Variants in GABRR1 observed in about 807,000 individuals in gnomAD.
The protein encoded by GABRR1 is gamma-aminobutyric acid type A receptor subunit rho1.
Under a neutral mutation model 55.5 loss-of-function variants are expected in GABRR1, and 59 were observed. The ratio of observed to expected loss-of-function variants is 1.06; its 90% CI spans 0.86 to 1.32. The LOEUF (loss-of-function observed/expected upper bound fraction) is 1.32. Among genes scored for constraint, GABRR1 ranks in the 40% most tolerant of loss-of-function variants. GABRR1 has a pLI of 0.00. For missense variants in GABRR1, 602 were observed against 619.1 expected, an observed-to-expected ratio of 0.97 and a Z score of 0.29; for synonymous variants, 213 against 226.0, an observed-to-expected ratio of 0.94 and a Z score of 0.51.
chr6:89,196,649 T>C (rs1772281265), intron 5 of GABRR1, among the ~76,000 whole-genome samples: 1 of 151,938 alleles, frequency 6.6e-6, no homozygotes, highest in Admixed American at 6.6e-5. Flanking sequence ...TAGTGACACA[T>C]GCCTTTGGTC....
intron 4 of GABRR1, 110 bp downstream of exon 4, chr6:89,199,252 C>T (rs1383483074): frequency 2.1e-6 from 2 of 952,200 alleles, no homozygotes; most frequent in Non-Finnish European, 3.3e-6. Context: ...TGGGGATTCC[C>T]ACCGCCCAGG....
upstream of GABRR1, among the ~76,000 whole-genome samples, chr6:89,222,041 T>G (rs966417805): frequency 6.6e-6 from 1 of 152,178 alleles, no homozygotes; most frequent in African/African-American, 2.4e-5. Flanking sequence ...ATGGTCTTTG[T>G]GTACCTGGTT....
At chr6:89,184,885 C>CTTT (rs754802888) in intron 7 of GABRR1, among the ~76,000 whole-genome samples, 9 of 123,714 alleles carry the variant, frequency 7.3e-5, no homozygotes, top group Admixed American at 6.1e-4. Context: ...TCTTTTCTTT[C>CTTT]TTTTTTTTTT....
intron 1 of GABRR1, among the ~76,000 whole-genome samples, chr6:89,213,563 T>C (rs903582585): frequency 1.3e-5 from 2 of 152,240 alleles, no homozygotes; most frequent in South Asian, 2.1e-4. Context: ...TACAGAAGAT[T>C]TGTAATAACA....
At chr6:89,188,519 C>T (rs1436848506) in intron 6 of GABRR1, among the ~76,000 whole-genome samples, 1 of 152,130 alleles carries the variant, frequency 6.6e-6, no homozygotes, top group Non-Finnish European at 1.5e-5. Context: ...TGATGTTGAA[C>T]ATCTTTTCAT....
intron 1 of GABRR1, among the ~76,000 whole-genome samples, chr6:89,212,642 G>A (rs955139154): frequency 2.7e-5 from 4 of 146,964 alleles, no homozygotes; most frequent in African/African-American, 1.0e-4. Context: ...GGAGAGGACC[G>A]GCAGTAAGTT....
At position 89,178,461 on chromosome 6, in the gene GABRR1, T is replaced by A; in HGVS notation, c.*309A>T. 2.6e-6 allele frequency: 1 copy of A among 378,212 alleles called. No individual in the cohort carries two copies. Among genetic ancestry groups the A allele is most frequent in the Middle Eastern group, 8.0e-4 (1 of 1,250 alleles). The allele number at this position is 378,212 out of a possible 1,614,324, so 23.4% of individuals were successfully genotyped here. On this transcript the variant is annotated 3_prime_UTR_variant, in exon 10 of 10. Transcript: ENST00000454853. ...GCATCAAGGGTCTAACGGGTGGAAC[T>A]AAATGTGCCCACAACACTGGTAGTG...
intron 3 of GABRR1, among the ~76,000 whole-genome samples, chr6:89,200,325 T>C (rs532201140): frequency 5.4e-4 from 77 of 141,908 alleles, no homozygotes; most frequent in African/African-American, 1.9e-3. Context: ...CTCAGTTCAC[T>C]GCAACCTCCG....
chr6:89,223,755 A>T (rs1160656083), intron 1 of GABRR1, among the ~76,000 whole-genome samples: 10 of 131,022 alleles, frequency 7.6e-5, no homozygotes, highest in African/African-American at 1.4e-4. Flanking sequence ...GTAAGGTGGT[A>T]TTGCATTGTG....
At chr6:89,224,468 A>G (rs1439395924) in intron 1 of GABRR1, among the ~76,000 whole-genome samples, 1 of 152,088 alleles carries the variant, frequency 6.6e-6, no homozygotes, top group East Asian at 1.9e-4. Context: ...GGCCATTTGT[A>G]TGTCTTCTTT....
Position 89,182,053 on chromosome 6 carries a change from C to T in GABRR1, c.801G>A (p.Trp267Ter). 6.2e-7 allele frequency: 1 copy of T among 1,613,912 alleles called. No homozygotes were observed. Among genetic ancestry groups the T allele is most frequent in the Non-Finnish European group, 8.5e-7 (1 of 1,179,918 alleles). ...TKLAFYSSTGWYNRLYINFTL... is the reference protein window; with the variant it reads ...TKLAFYSSTG ...TGAAATTAATGTAGAGACGGTTGTA[C>T]CAGCCTGGGGGACACAGGAATAAAA... is the stretch of plus-strand genomic sequence containing the variant. The change falls in exon 8 of 10, where the codon TGG (tryptophan) becomes TGA (stop). Residue 267 changes from tryptophan (W) to a stop codon, truncating the protein, a stop_gained. Transcript: ENST00000454853. LOFTEE classifies it high-confidence loss of function.
At chr6:89,186,065 T>C (rs112936281) in intron 6 of GABRR1, among the ~76,000 whole-genome samples, 1,800 of 152,318 alleles carry the variant, frequency 0.012, 27 homozygotes, top group Non-Finnish European at 0.015. Flanking sequence ...CTGCTTCTGG[T>C]GAACTCCAAG....
chr6:89,209,729 G>C (rs541520872), intron 1 of GABRR1, among the ~76,000 whole-genome samples: 17 of 152,156 alleles, frequency 1.1e-4, no homozygotes, highest in African/African-American at 3.9e-4. Context: ...TTACAGTATT[G>C]GAAGGAGTGC....
intron 1 of GABRR1, among the ~76,000 whole-genome samples, chr6:89,231,057 C>A (rs1163353462): frequency 6.6e-6 from 1 of 151,740 alleles, no homozygotes; most frequent in Admixed American, 6.5e-5. Flanking sequence ...TTCTTTGACT[C>A]GGAAAGGGAA....
At chr6:89,201,399 T>C (rs1772467538) in intron 2 of GABRR1, 134 bp from the exon 3 acceptor site, 1 of 619,536 alleles carries the variant, frequency 1.6e-6, no homozygotes, top group African/African-American at 1.8e-5. Context: ...GGACATCCCC[T>C]CTTTCTTTCT....
In GABRR1 at chr6:89,186,520, C is replaced by A. The variant is rs187177542; in HGVS notation, c.656-1070G>T. On this transcript the variant is annotated intron_variant, in intron 6 of 9. Coordinates refer to ENST00000454853, the MANE Select transcript of GABRR1 (RefSeq NM_002042.5). The stretch of plus-strand genomic sequence containing the variant: ...ATGTGGGACTCTTAGCCAGCCCCCA[C>A]AATCCTGCTAGCCACTTCCTTGCAA... Among the ~76,000 whole-genome samples, 231 of 152,384 alleles carry A rather than the reference C, an allele frequency of 1.5e-3. 2 individuals are homozygous for A. The highest frequency in any genetic ancestry group is 5.3e-3 in the African/African-American group (220 of 41,592).
intron 1 of GABRR1, among the ~76,000 whole-genome samples, chr6:89,211,345 C>T (rs1451391814): frequency 6.6e-6 from 1 of 152,090 alleles, no homozygotes; most frequent in African/African-American, 2.4e-5. Context: ...ATCCTTTGAA[C>T]CCTCCAAAGT....
chr6:89,228,863 G>A (rs1773237522), intron 1 of GABRR1, among the ~76,000 whole-genome samples: 1 of 151,910 alleles, frequency 6.6e-6, no homozygotes, highest in South Asian at 2.1e-4. Context: ...ACAGTGGGGT[G>A]TTAAAGTCTC....
intron 1 of GABRR1, among the ~76,000 whole-genome samples, chr6:89,208,601 C>T (rs190890418): frequency 1.7e-3 from 259 of 152,354 alleles, no homozygotes; most frequent in Non-Finnish European, 2.8e-3. Context: ...AGAGAAAAGA[C>T]TAAGGTTTCT....
Sources: gnomAD v4.1 joint callset for allele counts (sites outside exome capture counted in the v4.1 genomes callset) on GRCh38, gnomAD v4.1.1 for gene constraint, MANE v1.5 for transcripts, NCBI Gene and HGNC (gene_info 2026-07-23, HGNC 2026-07-21) for gene names.